Variants in ARSG observed in about 807,000 individuals in gnomAD.
ARSG encodes the protein arylsulfatase G, also known as ASG.
In ARSG, 37 loss-of-function variants were observed where a neutral mutation model predicts 50.5. The observed-to-expected ratio is 0.73, with a 90% CI of 0.56 to 0.96. The LOEUF (loss-of-function observed/expected upper bound fraction) is 0.96, where lower values mean the gene tolerates loss of function less well. Ranked by LOEUF, ARSG falls within the 50% of genes least tolerant of loss-of-function variation. ARSG has a pLI of 0.00. For synonymous variants in ARSG, 225 were observed against 254.6 expected (o/e 0.88, Z 1.11); for missense variants, 629 against 675.3 (o/e 0.93, Z 0.76).
chr17:68,450,941 C>T, the ARSG span: 1 of 1,577,316 alleles, frequency 6.3e-7, no homozygotes, highest in South Asian at 1.2e-5. Context: ...TTGATCACTT[C>T]CAAGAAGGAT....
chr17:68,329,886 G>T (rs1326629311), intron 2 of ARSG, among the ~76,000 whole-genome samples: 11 of 152,314 alleles, frequency 7.2e-5, no homozygotes, highest in Non-Finnish European at 1.0e-4. Context: ...AAGCTATCCT[G>T]GGCTGTATGT....
rs1568404085 is a variant in ARSG, at chr17:68,271,067, A to G, written c.-552+11641A>G. The G allele has an allele frequency of 1.2e-6, 2 of 1,614,234 alleles. No individual in the cohort carries two copies. Among genetic ancestry groups the G allele is most frequent in the Non-Finnish European group, 1.7e-6 (2 of 1,180,036 alleles). ...AGAGACACAGTCAATAAGATGACGC[A>G]GATGAGCTCAATGTAAATCTTACGA... On this transcript the variant is annotated intron_variant, in intron 1 of 11. Coordinates refer to the ARSG transcript ENST00000448504. This position sits in a 1 kb window ranked among gnomAD's most constrained non-coding sequence, Gnocchi z 5.3.
chr17:68,407,415 G>A (rs2081778242), intron 11 of ARSG, among the ~76,000 whole-genome samples: 1 of 152,126 alleles, frequency 6.6e-6, no homozygotes, highest in African/African-American at 2.4e-5. Flanking sequence ...GTATTTTGAT[G>A]GGGATTGTGT....
chr17:68,424,965 G>C (rs1431020945), downstream of ARSG, among the ~76,000 whole-genome samples: 1 of 152,210 alleles, frequency 6.6e-6, no homozygotes, highest in Non-Finnish European at 1.5e-5. Flanking sequence ...TCACAAGAGC[G>C]GTCTATATGT....
chr17:68,314,543 A>AAATT (rs1301378719), intron 2 of ARSG, among the ~76,000 whole-genome samples: 3 of 125,162 alleles, frequency 2.4e-5, no homozygotes, highest in African/African-American at 8.4e-5. Context: ...AAAAAAAAAA[A>AAATT]AATTAAGTAA....
At chr17:68,421,706 G>A (rs143863161), downstream of ARSG, 3,900 of 1,607,860 alleles carry the variant, frequency 2.4e-3, 43 homozygotes, top group African/African-American at 0.03. Context: ...CCATTCTTCC[G>A]CCTTCCTTGT....
At chr17:68,308,547 C>T (rs1555765314) in intron 2 of ARSG, among the ~76,000 whole-genome samples, 1 of 152,114 alleles carries the variant, frequency 6.6e-6, no homozygotes. Context: ...CAGTGTGGAC[C>T]CAAAGAGTGA....
intron 1 of ARSG, among the ~76,000 whole-genome samples, chr17:68,294,999 C>T (rs1478263437): frequency 1.3e-5 from 2 of 152,134 alleles, no homozygotes; most frequent in African/African-American, 4.8e-5. Flanking sequence ...GTGTGCATGG[C>T]TTAGTACAGT....
chr17:68,374,038 T>A (rs1245059371), intron 8 of ARSG, among the ~76,000 whole-genome samples: 1 of 151,272 alleles, frequency 6.6e-6, no homozygotes, highest in African/African-American at 2.4e-5. Flanking sequence ...GCACCTGTAG[T>A]CCCAGCTACT....
At chr17:68,448,194 A>G in the ARSG span, 74,066 of 151,864 alleles carry the variant, frequency 0.49, 18,508 homozygotes, top group African/African-American at 0.57. Flanking sequence ...CCCGGACACC[A>G]CAGAATCCCT....
Position 68,307,479 on chromosome 17 carries a change from C to G in ARSG, c.-15C>G, listed in dbSNP as rs1555764661. ...TGCCGTCGCTCCAGACAATCGGAAT[C>G]CTGCCTTCACCACCATGGGCTGGCT... On this transcript the variant is annotated 5_prime_UTR_variant, in exon 2 of 12. In the 5' UTR this introduces an upstream ATG that the reference lacks. Coordinates refer to ENST00000621439, the MANE Select transcript of ARSG (RefSeq NM_001267727.2). 6.2e-7 allele frequency: 1 copy of G among 1,605,660 alleles called. No individual in the cohort carries two copies. Among genetic ancestry groups the G allele is most frequent in the Admixed American group, 1.7e-5 (1 of 59,676 alleles).
At chr17:68,446,907 GA>G in the ARSG span, among the ~76,000 whole-genome samples, 1 of 152,210 alleles carries the variant, frequency 6.6e-6, no homozygotes, top group Non-Finnish European at 1.5e-5. Flanking sequence ...AACGCAGAGG[GA>G]AACAGAGAGA....
chr17:68,309,954 T>TTTTG (rs782288096), intron 2 of ARSG, among the ~76,000 whole-genome samples: 3 of 150,560 alleles, frequency 2.0e-5, no homozygotes, highest in South Asian at 2.1e-4. Context: ...ATCCAGAGTT[T>TTTTG]TTTGTTTGTT....
chr17:68,388,922 CAAAAAA>C (rs35105754), intron 9 of ARSG, among the ~76,000 whole-genome samples: 1,246 of 108,052 alleles, frequency 0.012, 33 homozygotes, highest in African/African-American at 0.042. Flanking sequence ...GACTCTGTCT[CAAAAAA>C]AAAAAAAAAA....
intron 2 of ARSG, among the ~76,000 whole-genome samples, chr17:68,315,963 G>C (rs740453): frequency 0.18 from 27,292 of 152,074 alleles, 4,393 homozygotes; most frequent in African/African-American, 0.43. Flanking sequence ...TCATCAAAAT[G>C]GTTGATGCAA....
chr17:68,264,974 C>T (rs1238162502), intron 1 of ARSG, among the ~76,000 whole-genome samples: 2 of 150,512 alleles, frequency 1.3e-5, no homozygotes, highest in African/African-American at 4.9e-5. Flanking sequence ...GCCAAGATGG[C>T]GAAACCCTGT....
chr17:68,389,697 C>T (rs1356789991), intron 9 of ARSG, among the ~76,000 whole-genome samples: 1 of 152,046 alleles, frequency 6.6e-6, no homozygotes, highest in East Asian at 1.9e-4. Flanking sequence ...CAGGTCCAAG[C>T]GCCTCCAATC....
intron 2 of ARSG, among the ~76,000 whole-genome samples, chr17:68,308,861 C>T (rs1439038252): frequency 6.6e-6 from 1 of 152,272 alleles, no homozygotes; most frequent in Non-Finnish European, 1.5e-5. Flanking sequence ...CCAGTGGATC[C>T]CGCACCGGCG....
intron 1 of ARSG, among the ~76,000 whole-genome samples, chr17:68,280,352 A>G (rs2075655677): frequency 6.6e-6 from 1 of 152,186 alleles, no homozygotes; most frequent in Non-Finnish European, 1.5e-5. Context: ...GAAAAAAAGA[A>G]CAAAGCTGGA....
Sources: gnomAD v4.1 joint callset for allele counts (sites outside exome capture counted in the v4.1 genomes callset) on GRCh38, gnomAD v4.1.1 for gene constraint, Gnocchi (gnomAD v3.1) non-coding constraint, MANE v1.5 for transcripts, NCBI Gene and HGNC (gene_info 2026-07-23, HGNC 2026-07-21) for gene names.